Variants in COL4A2 observed in about 807,000 individuals in gnomAD.
COL4A2 encodes the protein collagen type IV alpha 2 chain, also known as collagen alpha-2(IV) chain.
Under a neutral mutation model 200.2 loss-of-function variants are expected in COL4A2, and 99 were observed. That is an observed-to-expected ratio of 0.49 (90% CI 0.42 to 0.58). The LOEUF is 0.58. COL4A2 is among the 20% of genes least tolerant of loss of function. The probability of loss-of-function intolerance (pLI) is 0.00; values close to 1 mark genes in which losing one functional copy is unlikely to be tolerated. For synonymous variants in COL4A2, 897 were observed against 900.6 expected (o/e 1.00, Z 0.07); for missense variants, 1,950 against 2,314.1 (o/e 0.84, Z 3.23).
intron 4 of COL4A2, among the ~76,000 whole-genome samples, chr13:110,414,473 G>A (rs929467753): frequency 6.6e-6 from 1 of 152,200 alleles, no homozygotes; most frequent in African/African-American, 2.4e-5. Flanking sequence ...CTGGGACAGG[G>A]ACCACTTCAG....
chr13:110,504,548 G>A (rs1254519610), intron 45 of COL4A2, among the ~76,000 whole-genome samples: 2 of 152,198 alleles, frequency 1.3e-5, no homozygotes, highest in African/African-American at 2.4e-5. Context: ...ATTAGACAAG[G>A]AGCCAAAAGA....
chr13:110,427,703 G>A (rs1594208236), intron 6 of COL4A2, among the ~76,000 whole-genome samples: 1 of 152,362 alleles, frequency 6.6e-6, no homozygotes, highest in East Asian at 1.9e-4. Context: ...CCTGGAACCA[G>A]CTTAATGCAG....
chr13:110,427,340 G>A (rs1056480206), intron 6 of COL4A2, among the ~76,000 whole-genome samples: 1 of 152,088 alleles, frequency 6.6e-6, no homozygotes, highest in Non-Finnish European at 1.5e-5. Context: ...AGTAGAGACA[G>A]GGTTTCACCA....
intron 3 of COL4A2, among the ~76,000 whole-genome samples, chr13:110,320,388 A>G (rs1885246678): frequency 6.6e-6 from 1 of 152,234 alleles, no homozygotes; most frequent in South Asian, 2.1e-4. Context: ...GTGATTTGTT[A>G]TCTGCTTCTC....
chr13:110,468,664 C>A (rs1316666077), intron 27 of COL4A2, among the ~76,000 whole-genome samples: 1 of 152,220 alleles, frequency 6.6e-6, no homozygotes, highest in Admixed American at 6.5e-5. Context: ...TCACACACAT[C>A]CCCTTCCCAA....
intron 24 of COL4A2, among the ~76,000 whole-genome samples, chr13:110,463,579 CTT>C (rs1173919130): frequency 1.3e-5 from 2 of 152,192 alleles, no homozygotes; most frequent in African/African-American, 2.4e-5. Flanking sequence ...TAATAACACT[CTT>C]GAGTGCAGTG....
At chr13:110,416,399 A>G (rs1384214001) in intron 4 of COL4A2, among the ~76,000 whole-genome samples, 3 of 152,278 alleles carry the variant, frequency 2.0e-5, no homozygotes, top group African/African-American at 7.2e-5. Flanking sequence ...CAGGCTTAGG[A>G]AATCACATCA....
chr13:110,319,817 T>C (rs1885232553), intron 3 of COL4A2, among the ~76,000 whole-genome samples: 1 of 152,216 alleles, frequency 6.6e-6, no homozygotes, highest in Non-Finnish European at 1.5e-5. Context: ...TTCAGCGCCC[T>C]CTTCCCTTCT....
chr13:110,411,619 T>G (rs556742047), intron 4 of COL4A2, among the ~76,000 whole-genome samples: 1 of 152,206 alleles, frequency 6.6e-6, no homozygotes, highest in Non-Finnish European at 1.5e-5. Flanking sequence ...AAATCACCTC[T>G]GCAGGACTGT....
At chr13:110,420,399 TG>T (rs1159018791) in intron 4 of COL4A2, among the ~76,000 whole-genome samples, 1 of 152,172 alleles carries the variant, frequency 6.6e-6, no homozygotes, top group East Asian at 1.9e-4. Context: ...TACCTCTACA[TG>T]GTCTGGTGGT....
chr13:110,393,076 T>G (rs1879048181), intron 4 of COL4A2, among the ~76,000 whole-genome samples: 1 of 152,196 alleles, frequency 6.6e-6, no homozygotes, highest in South Asian at 2.1e-4. Context: ...GTCGCCCACC[T>G]GGGAGGATTG....
chr13:110,454,594 C>T (rs1881650965), intron 20 of COL4A2, among the ~76,000 whole-genome samples: 1 of 152,156 alleles, frequency 6.6e-6, no homozygotes, highest in Non-Finnish European at 1.5e-5. Context: ...CCTTTGTCCC[C>T]AGCAGTGCGG....
chr13:110,334,572 A>T lies in COL4A2; in HGVS notation c.100-22900A>T, dbSNP rs142697204. Among the ~76,000 whole-genome samples the T allele has an allele frequency of 2.2e-4, 34 of 152,336 alleles. No homozygotes were observed. In the East Asian group the frequency reaches 6.0e-3, roughly 27 times the overall value. ...CATTTCCTTCATACCTGTCGTGGTCATGGCACACTCATTCAAGATGTTTAT... is the reference window on the plus strand; with the variant it reads ...CATTTCCTTCATACCTGTCGTGGTCTTGGCACACTCATTCAAGATGTTTAT... On this transcript the variant is annotated intron_variant, in intron 3 of 47. Transcript: ENST00000360467.
chr13:110,410,086 C>A (rs1369266678), intron 4 of COL4A2, among the ~76,000 whole-genome samples: 1 of 152,200 alleles, frequency 6.6e-6, no homozygotes, highest in Non-Finnish European at 1.5e-5. Flanking sequence ...ATATTAGATA[C>A]CTTTAAAGAC....
intron 31 of COL4A2, among the ~76,000 whole-genome samples, chr13:110,481,321 C>CGTTGCTGG (rs1882904341): frequency 3.0e-5 from 1 of 33,016 alleles, no homozygotes; most frequent in Admixed American, 3.1e-4. Flanking sequence ...TCTGTCCCTC[C>CGTTGCTGG]ATTGCTGGAG....
At position 110,445,883 on chromosome 13, in the gene COL4A2, G is replaced by A. The variant is rs1220432347; in HGVS notation, c.1011+1G>A. 1.2e-6 allele frequency: 2 copies of A among 1,614,168 alleles called. No individual in the cohort carries two copies. Among genetic ancestry groups the A allele is most frequent in the Admixed American group, 1.7e-5 (1 of 60,026 alleles). ...GCCTGATGGACCCCGGGGACCCAAG[G>A]TGAGCCCGTTTCTCATGTCTTTGCC... On this transcript the variant is annotated splice_donor_variant, in intron 17 of 47. Coordinates refer to ENST00000360467, the MANE Select transcript of COL4A2 (RefSeq NM_001846.4). LOFTEE classifies it high-confidence loss of function.
At chr13:110,500,748 T>G (rs1883609396) in intron 40 of COL4A2, among the ~76,000 whole-genome samples, 2 of 152,198 alleles carry the variant, frequency 1.3e-5, no homozygotes, top group Admixed American at 1.3e-4. Flanking sequence ...ATAAGCTGGT[T>G]TTCTGTGTAA....
intron 4 of COL4A2, among the ~76,000 whole-genome samples, chr13:110,410,704 A>T (rs927184755): frequency 6.6e-6 from 1 of 152,228 alleles, no homozygotes; most frequent in Non-Finnish European, 1.5e-5. Flanking sequence ...AAATCAAAAC[A>T]GTGACATCTT....
At chr13:110,344,846 A>G (rs868810616) in intron 3 of COL4A2, among the ~76,000 whole-genome samples, 2 of 152,186 alleles carry the variant, frequency 1.3e-5, no homozygotes, top group African/African-American at 2.4e-5. Flanking sequence ...TATTTACTGC[A>G]ATATTTCTTT....
Sources: allele counts gnomAD v4.1 joint callset (sites outside exome capture counted in the v4.1 genomes callset), GRCh38; gene constraint gnomAD v4.1.1; transcripts MANE v1.5; gene names NCBI Gene and HGNC (gene_info 2026-07-23, HGNC 2026-07-21).